GRIK2: variants seen among roughly 807,000 people sequenced by gnomAD.
GRIK2 encodes glutamate ionotropic receptor kainate type subunit 2.
A neutral mutation model predicts 100.3 loss-of-function variants in GRIK2; 32 were observed. The ratio of observed to expected loss-of-function variants is 0.32; its 90% CI spans 0.24 to 0.43. The LOEUF (loss-of-function observed/expected upper bound fraction) is 0.43, where lower values mean the gene tolerates loss of function less well. Ranked by LOEUF, GRIK2 falls within the 20% of genes least tolerant of loss-of-function variation. GRIK2 has a pLI of 1.00. For synonymous variants in GRIK2, 417 were observed against 389.4 expected, an observed-to-expected ratio of 1.07 and a Z score of -0.83; for missense variants, 843 against 1,114.9, an observed-to-expected ratio of 0.76 and a Z score of 3.47.
intron 7 of GRIK2, among the ~76,000 whole-genome samples, chr6:101,761,800 T>TCTTC (rs1020180976): frequency 1.1e-5 from 1 of 93,204 alleles, no homozygotes; most frequent in African/African-American, 6.1e-5. Flanking sequence ...TCCCTTCCTT[T>TCTTC]CTTCCTTCCT....
intron 7 of GRIK2, among the ~76,000 whole-genome samples, chr6:101,789,205 G>A (rs192516914): frequency 6.6e-6 from 1 of 152,224 alleles, no homozygotes; most frequent in South Asian, 2.1e-4. Context: ...AAGCTGTTTA[G>A]TTTAATTAGA....
intron 14 of GRIK2, among the ~76,000 whole-genome samples, chr6:101,947,460 C>A (rs186157211): frequency 6.6e-6 from 1 of 152,076 alleles, no homozygotes; most frequent in African/African-American, 2.4e-5. Flanking sequence ...ATGCAGTCTG[C>A]ATTCCACTAA....
intron 7 of GRIK2, among the ~76,000 whole-genome samples, chr6:101,743,184 C>T (rs1021200764): frequency 6.6e-6 from 1 of 152,142 alleles, no homozygotes; most frequent in Non-Finnish European, 1.5e-5. Context: ...TTTCAACCAG[C>T]TTGCATTGGA....
chr6:101,794,002 G>A (rs1219787100), intron 7 of GRIK2, among the ~76,000 whole-genome samples: 2 of 152,152 alleles, frequency 1.3e-5, no homozygotes, highest in Non-Finnish European at 2.9e-5. Context: ...ATGGGCGTAG[G>A]ACCCTCCGAG....
At chr6:101,730,857 G>A (rs9322604) in intron 7 of GRIK2, among the ~76,000 whole-genome samples, 40,175 of 151,532 alleles carry the variant, frequency 0.27, 6,431 homozygotes, top group East Asian at 0.44. Flanking sequence ...AGAGAATAAG[G>A]ATACAAAGTT....
At chr6:101,654,319 C>T (rs1225582988) in intron 4 of GRIK2, among the ~76,000 whole-genome samples, 5 of 151,924 alleles carry the variant, frequency 3.3e-5, no homozygotes, top group African/African-American at 4.8e-5. Context: ...TACTTTTTTT[C>T]CCCAGTCCTG....
chr6:101,590,306 G>A (rs1247808021), intron 2 of GRIK2, among the ~76,000 whole-genome samples: 1 of 152,056 alleles, frequency 6.6e-6, no homozygotes, highest in Non-Finnish European at 1.5e-5. Context: ...TCAGTGTTAG[G>A]TTTTGTCAAT....
chr6:101,717,477 CT>C (rs1774153793), intron 7 of GRIK2, among the ~76,000 whole-genome samples: 1 of 151,722 alleles, frequency 6.6e-6, no homozygotes, highest in Non-Finnish European at 1.5e-5. Context: ...AGGACATTCT[CT>C]TAATTGGGAA....
intron 2 of GRIK2, among the ~76,000 whole-genome samples, chr6:101,505,711 A>T (rs868303050): frequency 1.6e-4 from 25 of 151,666 alleles, no homozygotes; most frequent in Middle Eastern, 3.4e-3. Context: ...CACTTCTCTG[A>T]TAGAACCTTG....
chr6:101,733,708 C>CTTTTTTTTTTTTTTTTTTTT (rs34438783), intron 7 of GRIK2, among the ~76,000 whole-genome samples: 23 of 83,936 alleles, frequency 2.7e-4, no homozygotes, highest in Non-Finnish European at 4.3e-4. Context: ...ATTCCTCTTT[C>CTTTTTTTTTTTTTTTTTTTT]TTTTTTTTTT....
intron 4 of GRIK2, among the ~76,000 whole-genome samples, chr6:101,662,338 G>T (rs1769689011): frequency 6.6e-6 from 1 of 152,112 alleles, no homozygotes; most frequent in Non-Finnish European, 1.5e-5. Flanking sequence ...CATCTTCATA[G>T]GCTCGCTTCT....
At chr6:101,900,621 G>C (rs1034258500) in intron 12 of GRIK2, among the ~76,000 whole-genome samples, 2 of 149,410 alleles carry the variant, frequency 1.3e-5, no homozygotes, top group African/African-American at 4.9e-5. Flanking sequence ...ACAATAGAGT[G>C]TCTATTTTCA....
At chr6:101,517,770 GC>G (rs1774661012) in intron 2 of GRIK2, among the ~76,000 whole-genome samples, 1 of 152,104 alleles carries the variant, frequency 6.6e-6, no homozygotes, top group Non-Finnish European at 1.5e-5. Context: ...ACAGTGGTGT[GC>G]AACAACAGTT....
intron 2 of GRIK2, among the ~76,000 whole-genome samples, chr6:101,498,741 T>G (rs1235381612): frequency 6.6e-6 from 1 of 152,138 alleles, no homozygotes; most frequent in African/African-American, 2.4e-5. Flanking sequence ...TAAATTTGTT[T>G]GAGTTCATTG....
At chr6:102,047,580 TCTACTAAAAATACAAAAAATTAG>T (rs1770961340) in intron 15 of GRIK2, among the ~76,000 whole-genome samples, 1 of 151,856 alleles carries the variant, frequency 6.6e-6, no homozygotes, top group South Asian at 2.1e-4. Context: ...AAACCCCATC[TCTACTAAAAATACAAAAAATTAG>T]CTGGGCATGG....
chr6:101,724,602 C>A (rs556812843), intron 7 of GRIK2, among the ~76,000 whole-genome samples: 1 of 152,008 alleles, frequency 6.6e-6, no homozygotes, highest in Admixed American at 6.6e-5. Context: ...TATTGATAGA[C>A]ACCTATGTAC....
intron 2 of GRIK2, among the ~76,000 whole-genome samples, chr6:101,425,693 A>G (rs2128241432): frequency 6.6e-6 from 1 of 152,294 alleles, no homozygotes; most frequent in African/African-American, 2.4e-5. Context: ...CAAATTTATG[A>G]TAGACTGATT....
At chr6:101,827,292 A>C (rs1448921140) in intron 10 of GRIK2, among the ~76,000 whole-genome samples, 1 of 151,964 alleles carries the variant, frequency 6.6e-6, no homozygotes, top group Non-Finnish European at 1.5e-5. Context: ...AGACTTGAGG[A>C]AGAAAGTAGA....
chr6:101,619,745 A>G (rs753361416), intron 2 of GRIK2, among the ~76,000 whole-genome samples: 1 of 152,060 alleles, frequency 6.6e-6, no homozygotes, highest in Non-Finnish European at 1.5e-5. Context: ...ATTTTTAGTT[A>G]CGTCTTATTA....
Sources: allele counts gnomAD v4.1 joint callset (sites outside exome capture counted in the v4.1 genomes callset), GRCh38; gene constraint gnomAD v4.1.1; transcripts MANE v1.5; gene names NCBI Gene and HGNC (gene_info 2026-07-23, HGNC 2026-07-21).